TGFB2: variants seen among roughly 807,000 people sequenced by gnomAD.
TGFB2 encodes transforming growth factor beta-2 proprotein.
A neutral mutation model predicts 42.7 loss-of-function variants in TGFB2; 13 were observed. The observed-to-expected ratio is 0.30, with a 90% CI of 0.20 to 0.48. The LOEUF is 0.48. TGFB2 is among the 20% of genes least tolerant of loss of function. The probability of loss-of-function intolerance (pLI) is 0.99; values close to 1 mark genes in which losing one functional copy is unlikely to be tolerated. For missense variants in TGFB2, 390 were observed against 517.5 expected, an observed-to-expected ratio of 0.75 and a Z score of 2.39; for synonymous variants, 193 against 193.6, an observed-to-expected ratio of 1.00 and a Z score of 0.03.
At chr1:218,405,963 A>G (rs1658897979) in intron 2 of TGFB2, among the ~76,000 whole-genome samples, 1 of 152,146 alleles carries the variant, frequency 6.6e-6, no homozygotes, top group Non-Finnish European at 1.5e-5. Context: ...ATAAAGTCAG[A>G]TAATGTAGGT....
intron 2 of TGFB2, among the ~76,000 whole-genome samples, chr1:218,423,034 T>C (rs143990736): frequency 6.6e-6 from 1 of 152,184 alleles, no homozygotes; most frequent in Non-Finnish European, 1.5e-5. Flanking sequence ...CCAAAGCCAA[T>C]GAAAGCCTTC....
At chr1:218,347,371 G>C (rs939826383) in intron 1 of TGFB2, among the ~76,000 whole-genome samples, 6 of 152,146 alleles carry the variant, frequency 3.9e-5, no homozygotes, top group African/African-American at 1.4e-4. Flanking sequence ...TGTCAAACTA[G>C]AGGTGCTCCC....
intron 1 of TGFB2, 106 bp downstream of exon 1, chr1:218,347,153 G>T: frequency 9.5e-7 from 1 of 1,048,336 alleles, no homozygotes. Flanking sequence ...GTTCCCGTTC[G>T]CTCTTTTCCC....
chr1:218,363,241 T>C (rs1657276707), intron 1 of TGFB2: 1 of 1,061,878 alleles, frequency 9.4e-7, no homozygotes, highest in Non-Finnish European at 1.4e-6. Flanking sequence ...GAACATTCAA[T>C]GAGTCCCTCT....
chr1:218,421,522 G>A (rs1412126691), intron 2 of TGFB2, among the ~76,000 whole-genome samples: 1 of 151,956 alleles, frequency 6.6e-6, no homozygotes, highest in African/African-American at 2.4e-5. Flanking sequence ...TACTCTGTGG[G>A]GGTAATAAGA....
intron 1 of TGFB2, among the ~76,000 whole-genome samples, chr1:218,398,333 A>G (rs538986983): frequency 3.3e-5 from 5 of 152,318 alleles, no homozygotes; most frequent in Admixed American, 6.5e-5. Flanking sequence ...ACATTCACGC[A>G]CTTTCTTCCT....
At chr1:218,389,472 C>T (rs1658252360) in intron 1 of TGFB2, among the ~76,000 whole-genome samples, 1 of 152,168 alleles carries the variant, frequency 6.6e-6, no homozygotes, top group Non-Finnish European at 1.5e-5. Context: ...CTCTGCCTAG[C>T]CTTCAGTGAT....
At chr1:218,399,466 A>G (rs7515588) in intron 1 of TGFB2, among the ~76,000 whole-genome samples, 24,420 of 152,210 alleles carry the variant, frequency 0.16, 3,658 homozygotes, top group African/African-American at 0.4. Flanking sequence ...CCTAGTTAAT[A>G]GTATTGTACC....
chr1:218,371,052 C>T (rs528734900), intron 1 of TGFB2, among the ~76,000 whole-genome samples: 137 of 152,302 alleles, frequency 9.0e-4, no homozygotes, highest in African/African-American at 3.1e-3. Flanking sequence ...GTAATCCCAG[C>T]TCTTTGGAAG....
In TGFB2 at chr1:218,368,186, C is replaced by A. The variant is rs533037748; in HGVS notation, c.346+21139C>A. On this transcript the variant is annotated intron_variant, in intron 1 of 6. Coordinates refer to ENST00000366930, the MANE Select transcript of TGFB2 (RefSeq NM_003238.6). ...TGAGACGGAGTTTCACTCTTGTTGC[C>A]CAGGCTGGAGTACAGCAGCGTGATC... is the stretch of plus-strand genomic sequence containing the variant. Among the ~76,000 whole-genome samples the A allele has an allele frequency of 2.0e-5, 3 of 151,848 alleles. No individual in the cohort carries two copies. In the South Asian group the frequency reaches 6.2e-4, roughly 32 times the overall value.
At chr1:218,390,697 C>T (rs1254881643) in intron 1 of TGFB2, among the ~76,000 whole-genome samples, 1 of 152,172 alleles carries the variant, frequency 6.6e-6, no homozygotes, top group African/African-American at 2.4e-5. Flanking sequence ...AGTGGCCCAA[C>T]CTTGAAGAAC....
intron 1 of TGFB2, among the ~76,000 whole-genome samples, chr1:218,394,204 C>T (rs1197068519): frequency 1.3e-5 from 2 of 152,174 alleles, no homozygotes; most frequent in African/African-American, 2.4e-5. Flanking sequence ...CCACCGCACC[C>T]GGCCGGCATT....
chr1:218,362,708 G>A (rs528979039), intron 1 of TGFB2, among the ~76,000 whole-genome samples: 2 of 152,274 alleles, frequency 1.3e-5, no homozygotes, highest in East Asian at 3.9e-4. Flanking sequence ...TACAAATTGG[G>A]TTGCTGTTAC....
At chr1:218,426,935 A>G (rs1659642971) in intron 2 of TGFB2, among the ~76,000 whole-genome samples, 2 of 152,170 alleles carry the variant, frequency 1.3e-5, no homozygotes, top group African/African-American at 4.8e-5. Flanking sequence ...GTTTTGTATA[A>G]ATCACATTTA....
intron 1 of TGFB2, among the ~76,000 whole-genome samples, chr1:218,402,883 A>C (rs1658775794): frequency 6.6e-6 from 1 of 152,240 alleles, no homozygotes; most frequent in Non-Finnish European, 1.5e-5. Flanking sequence ...GACGGTGTGC[A>C]ATGCCAGAAA....
In TGFB2 at chr1:218,345,927, C is replaced by T. The variant is rs570140526; in HGVS notation, c.-775C>T. 6.6e-6 allele frequency among the ~76,000 whole-genome samples: 1 copy of T among 152,060 alleles called. No individual in the cohort carries two copies. The highest frequency in any genetic ancestry group is 2.1e-4 in the South Asian group (1 of 4,822). ...AGGGTGTAGGCCACGGAGCGCAGCTCCCAGAGCAGGATCCGCGCCGCCTCA... is the reference window on the plus strand; with the variant it reads ...AGGGTGTAGGCCACGGAGCGCAGCTTCCAGAGCAGGATCCGCGCCGCCTCA... On this transcript the variant is annotated 5_prime_UTR_variant, in exon 1 of 7. Coordinates refer to ENST00000366930, the MANE Select transcript of TGFB2 (RefSeq NM_003238.6).
intron 2 of TGFB2, among the ~76,000 whole-genome samples, chr1:218,416,482 C>G (rs1659285608): frequency 6.6e-6 from 1 of 152,110 alleles, no homozygotes; most frequent in Non-Finnish European, 1.5e-5. Flanking sequence ...CCAAAGGAGA[C>G]AAATCTGGAT....
At chr1:218,407,026 A>G (rs1200180351) in intron 2 of TGFB2, among the ~76,000 whole-genome samples, 18 of 152,208 alleles carry the variant, frequency 1.2e-4, no homozygotes, top group Admixed American at 1.2e-3. Context: ...CATTATGAAA[A>G]TAGAGAACTA....
chr1:218,367,079 T>C (rs12082759), intron 1 of TGFB2, among the ~76,000 whole-genome samples: 1,759 of 152,310 alleles, frequency 0.012, 30 homozygotes, highest in East Asian at 0.086. Flanking sequence ...ATTAATCGTG[T>C]GTGGGTGTTG....
Sources: allele counts gnomAD v4.1 joint callset (sites outside exome capture counted in the v4.1 genomes callset), GRCh38; gene constraint gnomAD v4.1.1; transcripts MANE v1.5; gene names NCBI Gene and HGNC (gene_info 2026-07-23, HGNC 2026-07-21).